The following SCN7A variants were observed in gnomAD, a reference collection of about 807,000 sequenced individuals.
SCN7A encodes sodium channel protein type 7 subunit alpha.
A neutral mutation model predicts 155.2 loss-of-function variants in SCN7A; 138 were observed. The ratio of observed to expected loss-of-function variants is 0.89; its 90% CI spans 0.77 to 1.02. SCN7A has a LOEUF of 1.02. Among genes scored for constraint, SCN7A ranks in the 50% least tolerant of loss-of-function variants. SCN7A has a pLI of 0.00. For synonymous variants in SCN7A, 693 were observed against 649.0 expected (o/e 1.07, Z -1.03); for missense variants, 2,058 against 1,986.6 (o/e 1.04, Z -0.68).
At chr2:166,414,178 AAT>A (rs1439755074) in intron 21 of SCN7A, among the ~76,000 whole-genome samples, 3 of 53,758 alleles carry the variant, frequency 5.6e-5, no homozygotes, top group Non-Finnish European at 1.0e-4. Context: ...TATATATGTA[AAT>A]ATATATAATA....
Position 166,406,315 on chromosome 2 carries a change from C to G in SCN7A, c.4314G>C (p.Gly1438=). The change falls in exon 26 of 26, where the codon GGG becomes GGC. Residue 1438 remains glycine (G), a synonymous_variant. Coordinates refer to ENST00000643258, the MANE Select transcript of SCN7A (RefSeq NM_002976.4). ...FQVAIFAGWD[G]MLDAIFNSKW... ...TACTGTTGAAAATTGCATCAAGCAT[C>G]CCATCCCAACCAGCAAATATTGCAA... The G allele has an allele frequency of 6.2e-7, 1 of 1,613,138 alleles. No homozygotes were observed. Among genetic ancestry groups the G allele is most frequent in the Non-Finnish European group, 8.5e-7 (1 of 1,179,408 alleles).
At position 166,457,020 on chromosome 2, in the gene SCN7A, C is replaced by A. The variant is rs75235129; in HGVS notation, c.1140G>T (p.Leu380Phe). The A allele has an allele frequency of 6.2e-7, 1 of 1,610,206 alleles. No individual in the cohort carries two copies. Residue 380 changes from leucine (L) to phenylalanine (F), a missense_variant, in exon 11 of 26, where the codon TTG (leucine) becomes TTT (phenylalanine). Physicochemically the swap from Leu to Phe is conservative, Grantham distance 22. Coordinates refer to ENST00000643258, the MANE Select transcript of SCN7A (RefSeq NM_002976.4). Reference protein sequence around the residue: ...YMIFFVVVSFLFSFYMASLFL... With the variant: ...YMIFFVVVSFFFSFYMASLFL... ...ACAAACTTGCCATATAAAAGGAAAA[C>A]AAAAAACTTACCACCACAAAAAATA...
Position 166,462,535 on chromosome 2 carries a change from A to G in SCN7A, c.942-5T>C. ...ACATATCCTTCAGGACACTGACTAA[A>G]GAAGACAAAGAAAAAAACCTGCTTA... is the stretch of plus-strand genomic sequence containing the variant. On this transcript the variant is annotated splice_region_variant and splice_polypyrimidine_tract_variant and intron_variant, in intron 9 of 25. Transcript: ENST00000643258. 1 of 1,611,834 alleles carries G rather than the reference A, an allele frequency of 6.2e-7. No homozygotes were observed. Among genetic ancestry groups the G allele is most frequent in the Non-Finnish European group, 8.5e-7 (1 of 1,179,280 alleles).
At chr2:166,415,070 C>A (rs970123165) in intron 21 of SCN7A, among the ~76,000 whole-genome samples, 1 of 144,722 alleles carries the variant, frequency 6.9e-6, no homozygotes, top group Non-Finnish European at 1.5e-5. Context: ...TTAGTTCTGT[C>A]CCTCTAGGGA....
intron 20 of SCN7A, among the ~76,000 whole-genome samples, chr2:166,418,805 A>T (rs544086387): frequency 8.3e-4 from 126 of 152,338 alleles, no homozygotes; most frequent in African/African-American, 2.8e-3. Flanking sequence ...TGAAAAGTAG[A>T]CAGCACCTAA....
At position 166,471,919 on chromosome 2, in the gene SCN7A, G is replaced by A. The variant is rs1400086942; in HGVS notation, c.572+398C>T. 5.3e-5 allele frequency among the ~76,000 whole-genome samples: 8 copies of A among 151,782 alleles called. No individual in the cohort carries two copies. In the South Asian group the frequency reaches 8.3e-4, roughly 16 times the overall value. On this transcript the variant is annotated intron_variant, in intron 6 of 25. Coordinates refer to ENST00000643258, the MANE Select transcript of SCN7A (RefSeq NM_002976.4). ...AAAATGCACAAATTCAATCTTTATCGTTCTTGCTCCAAATAGAAAGCAGAA... is the reference window on the plus strand; with the variant it reads ...AAAATGCACAAATTCAATCTTTATCATTCTTGCTCCAAATAGAAAGCAGAA...
At chr2:166,435,486 T>C (rs916272975) in intron 15 of SCN7A, among the ~76,000 whole-genome samples, 1 of 152,158 alleles carries the variant, frequency 6.6e-6, no homozygotes, top group Non-Finnish European at 1.5e-5. Context: ...TGAATTTTGT[T>C]TTCTTGCCCC....
In SCN7A at chr2:166,441,483, T is replaced by C. The variant is rs1701958402; in HGVS notation, c.2070A>G (p.Val690=). ...CCTCCATACAGTCCCACAAGGTCTC[T>C]ACCCACTCTCCACAGAGAATTCGGA... is the stretch of plus-strand genomic sequence containing the variant. The part of the protein sequence containing the change: ...NVFRILCGEW[V]ETLWDCMEVA... Residue 690 remains valine, a synonymous_variant, in exon 15 of 26, where the codon GTA becomes GTG. Transcript: ENST00000643258. 6.2e-7 allele frequency: 1 copy of C among 1,613,028 alleles called. No homozygotes were observed. Among genetic ancestry groups the C allele is most frequent in the Admixed American group, 1.7e-5 (1 of 59,968 alleles).
chr2:166,478,840 C>G (rs1334371008), intron 2 of SCN7A, among the ~76,000 whole-genome samples: 2 of 152,006 alleles, frequency 1.3e-5, no homozygotes, highest in Non-Finnish European at 2.9e-5. Flanking sequence ...ATAGGCAACT[C>G]AAAGTAGTGT....
At chr2:166,432,167 C>T (rs1701745065) in intron 16 of SCN7A, 151 bp downstream of exon 16, 1 of 612,270 alleles carries the variant, frequency 1.6e-6, no homozygotes, top group Non-Finnish European at 2.8e-6. Context: ...TGATCAAAAG[C>T]ATAAAGTCAG....
rs769551067 is a variant in SCN7A at position 166,465,910 on chromosome 2, GA to G, written c.741del (p.Leu248Ter). 1 of 1,613,758 alleles carries G rather than the reference GA, an allele frequency of 6.2e-7. No individual in the cohort carries two copies. The highest frequency in any genetic ancestry group is 8.5e-7 in the Non-Finnish European group (1 of 1,179,796). On this transcript the variant is annotated frameshift_variant, in exon 8 of 26. Transcript: ENST00000643258. LOFTEE classifies it high-confidence loss of function. ...ATCCCAATTAGAGAAAATATGCTCA[GA>G]AAAAACAGAGTTAGGATAATGACAC... ...LIGVIILTLFFLSIFSLIGMG... is the reference protein window; with the variant it reads ...LIGVIILTLFXLSIFSLIGMG...
intron 20 of SCN7A, 54 bp downstream of exon 20, chr2:166,421,136 A>G: frequency 8.4e-7 from 1 of 1,184,662 alleles, no homozygotes; most frequent in Non-Finnish European, 1.2e-6. Context: ...ATTTGTGCAA[A>G]TTTAGTAATT....
chr2:166,414,864 A>T (rs1013924675), intron 21 of SCN7A: 3 of 123,850 alleles, frequency 2.4e-5, no homozygotes, highest in East Asian at 2.1e-4. Flanking sequence ...ATAATATATA[A>T]TATATATTAT....
chr2:166,438,972 A>AAT (rs3058347), intron 15 of SCN7A, among the ~76,000 whole-genome samples: 76,781 of 140,668 alleles, frequency 0.55, 21,289 homozygotes, highest in African/African-American at 0.62. Context: ...TGTTTAGGCA[A>AAT]ATATATATAT....
Position 166,405,781 on chromosome 2 carries a change from A to T in SCN7A, c.4848T>A (p.Ile1616=). Residue 1616 remains isoleucine, a synonymous_variant, in exon 26 of 26, where the codon ATT becomes ATA. Transcript: ENST00000643258. ...CTTGTTTTCGTTTCAAAGTAGTCGT[A>T]ATTGGCTCACATGTGATCTTAAAAG... The part of the protein sequence containing the change: ...ANPFKITCEP[I]TTTLKRKQEA... 6.2e-7 allele frequency: 1 copy of T among 1,613,050 alleles called. No individual in the cohort carries two copies. The highest frequency in any genetic ancestry group is 1.1e-5 in the South Asian group (1 of 91,034).
chr2:166,470,971 C>T (rs1702642042), intron 6 of SCN7A, among the ~76,000 whole-genome samples: 1 of 151,776 alleles, frequency 6.6e-6, no homozygotes, highest in Non-Finnish European at 1.5e-5. Flanking sequence ...ATCAAATATT[C>T]TATACTATGT....
intron 1 of SCN7A, among the ~76,000 whole-genome samples, chr2:166,489,751 C>A (rs1051416880): frequency 1.3e-5 from 2 of 152,116 alleles, no homozygotes; most frequent in Middle Eastern, 3.2e-3. Context: ...CTATGTTCTG[C>A]TTCCAGGTCA....
chr2:166,404,330 CTAATGTT>C lies in SCN7A; in HGVS notation c.*1243_*1249del, dbSNP rs1418343285. ...TAAAAAACAATTTCAATAGTGAAAA[CTAATGTT>C]TAGGATTTTACAGTTCTTTGAATAT... On this transcript the variant is annotated 3_prime_UTR_variant, in exon 26 of 26. Coordinates refer to ENST00000643258, the MANE Select transcript of SCN7A (RefSeq NM_002976.4). 6.6e-6 allele frequency: 1 copy of C among 151,746 alleles called. No homozygotes were observed. Among genetic ancestry groups the C allele is most frequent in the African/African-American group, 2.4e-5 (1 of 41,350 alleles). 9.4% of individuals were successfully genotyped at this position (151,746 alleles called of 1,614,324 possible).
At chr2:166,407,796 G>A (rs1483648494) in intron 25 of SCN7A, among the ~76,000 whole-genome samples, 1 of 151,736 alleles carries the variant, frequency 6.6e-6, no homozygotes, top group South Asian at 2.1e-4. Context: ...AGAACATGCA[G>A]GTTTGTTACA....
Sources: allele counts gnomAD v4.1 joint callset (sites outside exome capture counted in the v4.1 genomes callset), GRCh38; gene constraint gnomAD v4.1.1; transcripts MANE v1.5; gene names NCBI Gene and HGNC (gene_info 2026-07-23, HGNC 2026-07-21).